The following COG7 variants were observed in gnomAD, a reference collection of about 807,000 sequenced individuals.
COG7 encodes the protein conserved oligomeric Golgi complex subunit 7.
A neutral mutation model predicts 91.5 loss-of-function variants in COG7; 49 were observed. The observed-to-expected ratio is 0.54, with a 90% CI of 0.43 to 0.68. The LOEUF (loss-of-function observed/expected upper bound fraction) is 0.68, where lower values mean the gene tolerates loss of function less well. COG7 is among the 30% of genes least tolerant of loss of function. COG7 has a pLI of 0.00. For missense variants in COG7, 895 were observed against 961.3 expected (o/e 0.93, Z 0.91); for synonymous variants, 365 against 388.7 (o/e 0.94, Z 0.72).
chr16:23,425,285 G>A (rs1335918096), intron 6 of COG7, among the ~76,000 whole-genome samples: 1 of 152,042 alleles, frequency 6.6e-6, no homozygotes, highest in African/African-American at 2.4e-5. Context: ...ACTCTAGCCT[G>A]GGTGACAGAG....
At position 23,396,210 on chromosome 16, in the gene COG7, A is replaced by AT. The variant is rs1260719790; in HGVS notation, c.1887+1835_1887+1836insA. ...GTCATCAGCCTCCGTACAGCTCAGG[A>AT]GGACAGCAGCAGGCAGGGAAGGGCC... On this transcript the variant is annotated intron_variant, in intron 14 of 16. Transcript: ENST00000307149. Among the ~76,000 whole-genome samples, 4 of 152,192 alleles carry AT rather than the reference A, an allele frequency of 2.6e-5. No homozygotes were observed. In the East Asian group the frequency reaches 7.7e-4, roughly 29 times the overall value.
chr16:23,439,912 AT>A (rs1303602791), intron 4 of COG7, among the ~76,000 whole-genome samples: 1 of 152,088 alleles, frequency 6.6e-6, no homozygotes, highest in African/African-American at 2.4e-5. Flanking sequence ...ACTTCCAAAG[AT>A]TTTCCCTAAG....
intron 10 of COG7, chr16:23,413,235 A>G: frequency 2.0e-6 from 1 of 512,626 alleles, no homozygotes; most frequent in South Asian, 2.2e-5. Flanking sequence ...ACTTTTAAAA[A>G]TATCTTAAGA....
rs371248336 is a variant in COG7 at position 23,389,097 on chromosome 16, G to A, written c.2147-11C>T. 3.1e-5 allele frequency: 50 copies of A among 1,612,986 alleles called. No individual in the cohort carries two copies. Among genetic ancestry groups the A allele is most frequent in the African/African-American group, 2.5e-4 (19 of 74,888 alleles). On this transcript the variant is annotated splice_polypyrimidine_tract_variant and intron_variant, in intron 16 of 16. Coordinates refer to ENST00000307149, the MANE Select transcript of COG7 (RefSeq NM_153603.4). ...CGTTGATCAGATAGTCTGTGGGGGC[G>A]GAGAGGAGACAGACAGAGCTCCACA... is the stretch of plus-strand genomic sequence containing the variant.
chr16:23,408,512 G>T (rs1252686761), intron 11 of COG7, among the ~76,000 whole-genome samples: 1 of 151,412 alleles, frequency 6.6e-6, no homozygotes, highest in Non-Finnish European at 1.5e-5. Flanking sequence ...GCTCTTTGTT[G>T]GCAGTTTCTT....
intron 12 of COG7, among the ~76,000 whole-genome samples, chr16:23,404,507 C>T (rs1424961201): frequency 6.6e-6 from 1 of 152,200 alleles, no homozygotes; most frequent in Non-Finnish European, 1.5e-5. Context: ...CTCAATGCAA[C>T]CAGTTGGTGG....
chr16:23,440,829 G>C (rs1181177289), intron 4 of COG7, among the ~76,000 whole-genome samples: 1 of 152,120 alleles, frequency 6.6e-6, no homozygotes, highest in Non-Finnish European at 1.5e-5. Flanking sequence ...GCAAACCAGA[G>C]TCATGGATTC....
At chr16:23,406,037 C>G (rs568072013) in intron 12 of COG7, 39 bp downstream of exon 12, 54 of 1,586,198 alleles carry the variant, frequency 3.4e-5, no homozygotes, top group East Asian at 1.6e-4. Context: ...TGAGAAGAAG[C>G]CTTTCATTTG....
intron 8 of COG7, among the ~76,000 whole-genome samples, chr16:23,417,947 C>T (rs534923683): frequency 6.6e-6 from 1 of 152,198 alleles, no homozygotes; most frequent in African/African-American, 2.4e-5. Flanking sequence ...TATCAATGTA[C>T]CTCATGCTAG....
chr16:23,433,819 G>GA lies in COG7; in HGVS notation c.688-153dup, dbSNP rs34978942. 164,183 of 533,022 alleles carry GA rather than the reference G, an allele frequency of 0.31. 5,780 individuals carry two copies. Among genetic ancestry groups the GA allele is most frequent in the African/African-American group, 0.38 (18,833 of 49,572 alleles). 33.0% of individuals were successfully genotyped at this position (533,022 alleles called of 1,614,324 possible). A position where few individuals can be genotyped will look rare whatever the true frequency, so the allele number is the denominator to read the frequency against. On this transcript the variant is annotated intron_variant, in intron 5 of 16. Transcript: ENST00000307149. ...GTCCATTCACTTCAAAGAAAGGCAGGAAAAAAAAAAAAACATTTGCAGTTA... is the reference window on the plus strand; with the variant it reads ...GTCCATTCACTTCAAAGAAAGGCAGGAAAAAAAAAAAAAACATTTGCAGTTA...
chr16:23,416,946 T>A (rs1251553574), intron 9 of COG7, 21 bp downstream of exon 9: 23 of 1,614,116 alleles, frequency 1.4e-5, no homozygotes, highest in Non-Finnish European at 1.8e-5. Context: ...GCCCGTCTGG[T>A]CCCCAGTTCC....
chr16:23,402,294 C>G (rs1250076834), intron 13 of COG7, among the ~76,000 whole-genome samples: 1 of 151,986 alleles, frequency 6.6e-6, no homozygotes, highest in Non-Finnish European at 1.5e-5. Context: ...GGACATCAAA[C>G]TGCTGACGCT....
At chr16:23,408,624 T>G (rs191350421) in intron 11 of COG7, among the ~76,000 whole-genome samples, 1 of 151,932 alleles carries the variant, frequency 6.6e-6, no homozygotes, top group African/African-American at 2.4e-5. Flanking sequence ...CACAGCAGGA[T>G]AGAGTGGGAG....
At chr16:23,390,647 C>A (rs1039013582) in intron 16 of COG7, among the ~76,000 whole-genome samples, 2 of 151,988 alleles carry the variant, frequency 1.3e-5, no homozygotes, top group Admixed American at 1.3e-4. Context: ...CACTATGTTG[C>A]CCAGGTTGGC....
Position 23,442,150 on chromosome 16 carries a change from A to G in COG7, c.604+327T>C, listed in dbSNP as rs549978104. Among the ~76,000 whole-genome samples the G allele has an allele frequency of 3.9e-5, 6 of 152,216 alleles. No homozygotes were observed. The East Asian group carries it at 9.7e-4, about 25-fold the overall frequency. ...GGAGTTTGAGACCAGCCCGGCCAAC[A>G]TGGTGAAAGCCCGTTTCTATTCAAA... On this transcript the variant is annotated intron_variant, in intron 4 of 16. Transcript: ENST00000307149.
At position 23,398,056 on chromosome 16, in the gene COG7, T is replaced by C. The variant is rs1237019918; in HGVS notation, c.1877A>G (p.Tyr626Cys). ...CACAGAAGCTCTTACGTTGCTGATG[T>C]ACTCGAGAGGGGTGAGACTAAAGGC... ...LPAFSLTPLE[Y>C]ISNIGQYIMS... Residue 626 changes from tyrosine to cysteine, a missense_variant, in exon 14 of 17, where the codon TAC (tyrosine) becomes TGC (cysteine). Coordinates refer to ENST00000307149, the MANE Select transcript of COG7 (RefSeq NM_153603.4). 1.2e-5 allele frequency: 19 copies of C among 1,613,916 alleles called. No homozygotes were observed. The Admixed American group carries it at 1.5e-4, about 13-fold the overall frequency.
At chr16:23,427,372 G>A (rs1383292309) in intron 6 of COG7, among the ~76,000 whole-genome samples, 1 of 152,070 alleles carries the variant, frequency 6.6e-6, no homozygotes, top group Non-Finnish European at 1.5e-5. Flanking sequence ...CTACTCGGGA[G>A]GCTGAGGCAG....
chr16:23,416,436 C>T (rs1210520651), intron 9 of COG7: 7 of 183,482 alleles, frequency 3.8e-5, no homozygotes, highest in Admixed American at 1.6e-4. Flanking sequence ...TGCTGGATGC[C>T]CGATGGCAAT....
rs142770375 is a variant in COG7, at chr16:23,403,645, G to C, written c.1803+49C>G. 1.2e-5 allele frequency: 19 copies of C among 1,611,160 alleles called. No individual in the cohort carries two copies. The East Asian group carries it at 4.2e-4, about 36-fold the overall frequency. On this transcript the variant is annotated intron_variant, in intron 13 of 16. Coordinates refer to ENST00000307149, the MANE Select transcript of COG7 (RefSeq NM_153603.4). ...TTAAGCCCACACTCAGTATGCTTGA[G>C]TTGGAGGCAGGACCCGGGAAAAATT...
Sources: gnomAD v4.1 joint callset for allele counts (sites outside exome capture counted in the v4.1 genomes callset) on GRCh38, gnomAD v4.1.1 for gene constraint, MANE v1.5 for transcripts, NCBI Gene and HGNC (gene_info 2026-07-23, HGNC 2026-07-21) for gene names.